EGFR: variants seen among roughly 807,000 people sequenced by gnomAD.
The protein encoded by EGFR is epidermal growth factor receptor, also known as avian erythroblastic leukemia viral (v-erb-b) oncogene homolog.
In EGFR, 58 loss-of-function variants were observed where a neutral mutation model predicts 143.0. The observed-to-expected ratio is 0.41, with a 90% CI of 0.33 to 0.50. The LOEUF (loss-of-function observed/expected upper bound fraction) is 0.50, where lower values mean the gene tolerates loss of function less well. Among genes scored for constraint, EGFR ranks in the 20% least tolerant of loss-of-function variants. EGFR has a pLI of 0.39. For synonymous variants in EGFR, 613 were observed against 594.4 expected (o/e 1.03, Z -0.45); for missense variants, 1,307 against 1,579.0 (o/e 0.83, Z 2.92).
intron 1 of EGFR, among the ~76,000 whole-genome samples, chr7:55,085,421 A>G (rs1030099585): frequency 6.6e-6 from 1 of 152,240 alleles, no homozygotes; most frequent in African/African-American, 2.4e-5. Flanking sequence ...CTCCAGGTGC[A>G]GAGAGCAGGG....
chr7:55,099,846 G>T (rs1439040461), intron 1 of EGFR, among the ~76,000 whole-genome samples: 2 of 152,026 alleles, frequency 1.3e-5, no homozygotes, highest in Non-Finnish European at 1.5e-5. Context: ...AAAGAAAGGG[G>T]CCCAATTCTC....
rs774558548 is a variant in EGFR at position 55,163,810 on chromosome 7, C to T, written c.1709C>T (p.Thr570Ile). 1 of 1,614,116 alleles carries T rather than the reference C, an allele frequency of 6.2e-7. No individual in the cohort carries two copies. The highest frequency in any genetic ancestry group is 1.3e-5 in the African/African-American group (1 of 74,942). ...TGCCTGCCTCAGGCCATGAACATCA[C>T]CTGCACAGGACGGGTAAGAGCCCCT... ...PECLPQAMNI[T>I]CTGRGPDNCI... The change falls in exon 14 of 28, where the codon ACC becomes ATC. Residue 570 changes from threonine to isoleucine, a missense_variant. By Grantham distance (89) the Thr-to-Ile change is moderately conservative. Transcript: ENST00000275493.
At chr7:55,034,373 A>C (rs981881707) in intron 1 of EGFR, among the ~76,000 whole-genome samples, 1 of 152,132 alleles carries the variant, frequency 6.6e-6, no homozygotes, top group East Asian at 1.9e-4. Flanking sequence ...AGCTGGGACT[A>C]CAGGTGCCCG....
rs141239787 is a variant in EGFR at position 55,153,953 on chromosome 7, G to A, written c.748-58G>A. The A allele has an allele frequency of 1.6e-5, 26 of 1,612,992 alleles. 1 individual carries two copies. The highest frequency in any genetic ancestry group is 1.2e-4 in the South Asian group (11 of 91,058). On this transcript the variant is annotated intron_variant, in intron 6 of 27. Transcript: ENST00000275493. ...GTCAACACCGTGCTGCGCTTCCTCCGTGTGTGGCGCTGAGTGTACTTACCT... is the reference window on the plus strand; with the variant it reads ...GTCAACACCGTGCTGCGCTTCCTCCATGTGTGGCGCTGAGTGTACTTACCT...
chr7:55,137,559 T>A (rs1265162257), intron 1 of EGFR, among the ~76,000 whole-genome samples: 1 of 151,378 alleles, frequency 6.6e-6, no homozygotes, highest in African/African-American at 2.4e-5. Flanking sequence ...AAGTGAGGAG[T>A]TTCTCAAGAA....
intron 15 of EGFR, among the ~76,000 whole-genome samples, chr7:55,167,736 G>A (rs1786137683): frequency 6.6e-6 from 1 of 152,172 alleles, no homozygotes; most frequent in Admixed American, 6.5e-5. Flanking sequence ...AACAGTGGCA[G>A]TGACGGTGAT....
chr7:55,077,151 A>G (rs1371458169), intron 1 of EGFR, among the ~76,000 whole-genome samples: 1 of 152,172 alleles, frequency 6.6e-6, no homozygotes, highest in Non-Finnish European at 1.5e-5. Flanking sequence ...CAAAGATTCC[A>G]AAGATGGTAT....
At chr7:55,131,095 T>C (rs1793804188) in intron 1 of EGFR, among the ~76,000 whole-genome samples, 2 of 152,120 alleles carry the variant, frequency 1.3e-5, no homozygotes, top group Non-Finnish European at 2.9e-5. Flanking sequence ...GAGTCACAGG[T>C]ACATGAGTCC....
intron 22 of EGFR, among the ~76,000 whole-genome samples, chr7:55,195,363 T>C (rs1787572555): frequency 6.6e-6 from 1 of 152,202 alleles, no homozygotes; most frequent in Non-Finnish European, 1.5e-5. Flanking sequence ...CTCGGGGTTG[T>C]CTGAAAAAAC....
In EGFR at chr7:55,134,857, C is replaced by G. The variant is rs1424964562; in HGVS notation, c.89-7429C>G. On this transcript the variant is annotated intron_variant, in intron 1 of 27. Coordinates refer to ENST00000275493, the MANE Select transcript of EGFR (RefSeq NM_005228.5). ...AGATCTATGATTTCTGAGGCCCTTT[C>G]ATGTCCATGATCTCAGTACTGCTCA... Among the ~76,000 whole-genome samples the G allele has an allele frequency of 3.9e-5, 6 of 152,328 alleles. No individual in the cohort carries two copies. The East Asian group carries it at 1.2e-3, about 29-fold the overall frequency.
chr7:55,194,842 AG>A (rs1787552628), intron 22 of EGFR, among the ~76,000 whole-genome samples: 1 of 152,254 alleles, frequency 6.6e-6, no homozygotes, highest in African/African-American at 2.4e-5. Context: ...TCACTGGCCT[AG>A]GCAGCCCACT....
rs2270247 is a variant in EGFR, at chr7:55,146,954, G to T, written c.559+214G>T. ...GGTGGCAGCCCAGCTGGTTGGCAGT[G>T]CAGGCCACCGGAGGCAGATCCCCTG... On this transcript the variant is annotated intron_variant, in intron 4 of 27. Coordinates refer to ENST00000275493, the MANE Select transcript of EGFR (RefSeq NM_005228.5). Among the ~76,000 whole-genome samples, 76,873 of 151,966 alleles carry T rather than the reference G, an allele frequency of 0.51. 19,522 individuals carry two copies. Among genetic ancestry groups the T allele is most frequent in the South Asian group, 0.54 (2,616 of 4,804 alleles).
At chr7:55,063,414 C>T (rs568399512) in intron 1 of EGFR, among the ~76,000 whole-genome samples, 3 of 152,234 alleles carry the variant, frequency 2.0e-5, no homozygotes, top group East Asian at 3.9e-4. Context: ...ATTCTCTGGA[C>T]AGAGATAGAA....
chr7:55,119,482 C>T (rs996730053), intron 1 of EGFR: 3 of 152,216 alleles, frequency 2.0e-5, no homozygotes, highest in Non-Finnish European at 4.4e-5. Flanking sequence ...TTGGTGTTAC[C>T]CTAGCAAATG....
At chr7:55,079,588 TTTTGTTTG>T (rs141268796) in intron 1 of EGFR, among the ~76,000 whole-genome samples, 1 of 151,774 alleles carries the variant, frequency 6.6e-6, no homozygotes, top group Non-Finnish European at 1.5e-5. Context: ...TATGGCGTTT[TTTTGTTTG>T]TTTGTTTGTT....
chr7:55,170,301 C>T (rs1254296876), intron 15 of EGFR: 3 of 1,614,142 alleles, frequency 1.9e-6, no homozygotes, highest in Non-Finnish European at 8.5e-7. Context: ...GTCCATCTTT[C>T]TCCAGGCCAG....
chr7:55,047,691 C>T (rs900516964), intron 1 of EGFR, among the ~76,000 whole-genome samples: 6 of 152,144 alleles, frequency 3.9e-5, no homozygotes, highest in Non-Finnish European at 8.8e-5. Context: ...CCGGAGGTTG[C>T]AGTGAGCTGA....
chr7:55,105,826 TA>T (rs563655141), intron 1 of EGFR, among the ~76,000 whole-genome samples: 8 of 152,128 alleles, frequency 5.3e-5, no homozygotes, highest in Non-Finnish European at 1.0e-4. Flanking sequence ...TTTTGATTGT[TA>T]AAAAAAACAC....
At chr7:55,186,386 C>T (rs146011961) in intron 20 of EGFR, among the ~76,000 whole-genome samples, 2 of 152,312 alleles carry the variant, frequency 1.3e-5, no homozygotes, top group Non-Finnish European at 1.5e-5. Context: ...GATGAGGACT[C>T]GGCAGAGCCT....
Sources: gnomAD v4.1 joint callset for allele counts (sites outside exome capture counted in the v4.1 genomes callset) on GRCh38, gnomAD v4.1.1 for gene constraint, MANE v1.5 for transcripts, NCBI Gene and HGNC (gene_info 2026-07-23, HGNC 2026-07-21) for gene names.